B4GALT3: variants seen among roughly 807,000 people sequenced by gnomAD.
B4GALT3 encodes N-acetyllactosamine synthase.
A neutral mutation model predicts 40.7 loss-of-function variants in B4GALT3; 29 were observed. That is an observed-to-expected ratio of 0.71 (90% confidence interval 0.53 to 0.97). The LOEUF (loss-of-function observed/expected upper bound fraction) is 0.97. B4GALT3 is among the 50% of genes least tolerant of loss of function. B4GALT3 has a pLI of 0.00. For synonymous variants in B4GALT3, 182 were observed against 203.9 expected, an observed-to-expected ratio of 0.89 and a Z score of 0.92; for missense variants, 390 against 522.3, an observed-to-expected ratio of 0.75 and a Z score of 2.47.
chr1:161,172,291 A>T lies in B4GALT3; in HGVS notation c.844T>A (p.Ser282Thr), dbSNP rs770627750. 6.2e-7 allele frequency: 1 copy of T among 1,613,968 alleles called. No individual in the cohort carries two copies. The highest frequency in any genetic ancestry group is 8.5e-7 in the Non-Finnish European group (1 of 1,179,978). ...AGMKISRPPT[S>T]VGHYKMVKHR... ...TTCACCATCTTATAGTGTCCTACAGATGTGGGGGGCCGAGAGATCTTCATC... is the reference window on the plus strand; with the variant it reads ...TTCACCATCTTATAGTGTCCTACAGTTGTGGGGGGCCGAGAGATCTTCATC... Residue 282 changes from serine to threonine, a missense_variant, in exon 7 of 8, where the codon TCT (serine) becomes ACT (threonine). By Grantham distance (58) the Ser-to-Thr change is moderately conservative. Coordinates refer to ENST00000319769, the MANE Select transcript of B4GALT3 (RefSeq NM_003779.4).
chr1:161,173,570 G>C, intron 6 of B4GALT3, 35 bp downstream of exon 6: 1 of 1,612,734 alleles, frequency 6.2e-7, no homozygotes, highest in East Asian at 2.2e-5. Context: ...GATCCAGACT[G>C]GGGTCAGGAG....
chr1:161,177,143 C>A, intron 1 of B4GALT3: 1 of 1,442,584 alleles, frequency 6.9e-7, no homozygotes, highest in South Asian at 1.3e-5. Context: ...GGGGCAGAGA[C>A]AGTCAGGGGT....
At chr1:161,177,225 A>T in intron 1 of B4GALT3, 198 bp downstream of exon 1, 1 of 695,456 alleles carries the variant, frequency 1.4e-6, no homozygotes. Context: ...CTTTCGGAGC[A>T]CGCCCATCCT....
Position 161,176,004 on chromosome 1 carries a change from C to A in B4GALT3, c.57G>T (p.Gln19His). Residue 19 changes from glutamine to histidine, a missense_variant, in exon 3 of 8, where the codon CAG (glutamine) becomes CAT (histidine). Transcript: ENST00000319769. ...GTGACAGGTACATCATGACAGCCAG[C>A]TGGGAGCCCACAAGCAGGGCCAGCG... ...PCTLALLVGS[Q>H]LAVMMYLSLG... The A allele has an allele frequency of 6.2e-7, 1 of 1,614,102 alleles. No individual in the cohort carries two copies. The highest frequency in any genetic ancestry group is 8.5e-7 in the Non-Finnish European group (1 of 1,180,018).
chr1:161,177,606 A>T (rs1265284177), upstream of B4GALT3: 1 of 158,366 alleles, frequency 6.3e-6, no homozygotes, highest in Non-Finnish European at 1.4e-5. Context: ...CTTGTGAGGG[A>T]GCAGCGCCTG....
chr1:161,172,482 A>C, intron 6 of B4GALT3, 151 bp from the exon 7 acceptor site: 1 of 659,744 alleles, frequency 1.5e-6, no homozygotes, highest in Non-Finnish European at 2.5e-6. Context: ...AAAGAAGGAA[A>C]TGGCTGAAGA....
chr1:161,177,011 C>G, intron 1 of B4GALT3: 1 of 1,536,048 alleles, frequency 6.5e-7, no homozygotes, highest in Non-Finnish European at 8.7e-7. Context: ...TGTAAGCGAA[C>G]AGCCCCGGAG....
chr1:161,175,223 G>T lies in B4GALT3; in HGVS notation c.259C>A (p.Pro87Thr), dbSNP rs768962319. The T allele has an allele frequency of 6.2e-7, 1 of 1,612,274 alleles. No individual in the cohort carries two copies. Among genetic ancestry groups the T allele is most frequent in the South Asian group, 1.1e-5 (1 of 90,892 alleles). Residue 87 changes from proline (P) to threonine (T), a missense_variant, in exon 4 of 8, where the codon CCT (proline) becomes ACT (threonine). Pro to Thr is a conservative substitution (Grantham distance 38). Coordinates refer to ENST00000319769, the MANE Select transcript of B4GALT3 (RefSeq NM_003779.4). ...CPERSPLLVG[P>T]VSVSFSPVPS... ...ACTGGGCTAAAGGACACCGACACAG[G>T]ACCCACTGTTGGGAAGGAATGGCAA...
At chr1:161,174,786 G>A (rs560667258) in intron 4 of B4GALT3, 3 of 593,840 alleles carry the variant, frequency 5.1e-6, no homozygotes, top group Admixed American at 6.4e-5. Flanking sequence ...ACAGGAGAGT[G>A]TAGGACAGTG....
At chr1:161,172,658 G>A (rs1436607160) in intron 6 of B4GALT3, among the ~76,000 whole-genome samples, 1 of 150,416 alleles carries the variant, frequency 6.6e-6, no homozygotes, top group Admixed American at 6.7e-5. Flanking sequence ...AAAAGAATAA[G>A]AGAAGACTGG....
chr1:161,171,419 T>C lies in B4GALT3; in HGVS notation c.*397A>G, dbSNP rs1332226887. On this transcript the variant is annotated 3_prime_UTR_variant, in exon 8 of 8. Transcript: ENST00000319769. ...GGCAGAAAATGCCCAGGGAGGGGCT[T>C]CCTTCACCAAACAACTTCCCGGGAA... 3.0e-6 allele frequency: 2 copies of C among 668,206 alleles called. No individual in the cohort carries two copies. Among genetic ancestry groups the C allele is most frequent in the African/African-American group, 1.8e-5 (1 of 55,036 alleles). 41.4% of individuals were successfully genotyped at this position (668,206 alleles called of 1,614,324 possible).
At chr1:161,176,368 T>G (rs751390867) in intron 2 of B4GALT3, 66 bp downstream of exon 2, 6 of 480,086 alleles carry the variant, frequency 1.2e-5, no homozygotes, top group African/African-American at 1.9e-5. Flanking sequence ...TCAAATCTCA[T>G]GTTCATTTCA....
chr1:161,176,347 GT>G, intron 2 of B4GALT3, 86 bp downstream of exon 2: 1 of 526,754 alleles, frequency 1.9e-6, no homozygotes, highest in Non-Finnish European at 3.4e-6. Context: ...CCCCAAAAAT[GT>G]TTACATCATT....
intron 4 of B4GALT3, 80 bp from the exon 5 acceptor site, chr1:161,174,129 C>T (rs112810680): frequency 0.084 from 123,547 of 1,478,312 alleles, 5,861 homozygotes; most frequent in Non-Finnish European, 0.098. Flanking sequence ...AAGTGAAGGC[C>T]GGGCGCGGTG....
chr1:161,176,522 T>C lies in B4GALT3; in HGVS notation c.-103A>G. ...GTGAGGCATTATCTAAAATTGGAAA[T>C]GTCACAGAGGGCAGAGAAAGGCTCC... On this transcript the variant is annotated 5_prime_UTR_variant, in exon 2 of 8. Transcript: ENST00000319769. 2 of 400,026 alleles carry C rather than the reference T, an allele frequency of 5.0e-6. No homozygotes were observed. Among genetic ancestry groups the C allele is most frequent in the Non-Finnish European group, 4.6e-6 (1 of 219,186 alleles). 24.8% of individuals were successfully genotyped at this position (400,026 alleles called of 1,614,324 possible).
In B4GALT3 at chr1:161,171,437, C is replaced by G. The variant is rs1320738342; in HGVS notation, c.*379G>C. On this transcript the variant is annotated 3_prime_UTR_variant, in exon 8 of 8. Transcript: ENST00000319769. ...AGGGGCTTCCTTCACCAAACAACTT[C>G]CCGGGAACCATAAATAGAATAAATA... The G allele has an allele frequency of 1.6e-6, 1 of 620,606 alleles. No individual in the cohort carries two copies. 38.4% of individuals were successfully genotyped at this position (620,606 alleles called of 1,614,324 possible). A position where few individuals can be genotyped will look rare whatever the true frequency, so the allele number is the denominator to read the frequency against.
chr1:161,177,151 G>T, intron 1 of B4GALT3: 1 of 1,422,316 alleles, frequency 7.0e-7, no homozygotes, highest in Non-Finnish European at 9.5e-7. Flanking sequence ...GACAGTCAGG[G>T]GTGGCTGGAA....
intron 1 of B4GALT3, 165 bp downstream of exon 1, chr1:161,177,258 C>G (rs1175023824): frequency 1.1e-5 from 7 of 622,840 alleles, no homozygotes; most frequent in African/African-American, 9.2e-5. Flanking sequence ...TGCTTTTGCC[C>G]TACCTACTAG....
At chr1:161,172,386 G>A (rs1296862202) in intron 6 of B4GALT3, 55 bp from the exon 7 acceptor site, 26 of 1,482,374 alleles carry the variant, frequency 1.8e-5, no homozygotes, top group Non-Finnish European at 2.3e-5. Flanking sequence ...AAGCAAGGAA[G>A]GGATTAAATG....
Sources: allele counts gnomAD v4.1 joint callset (sites outside exome capture counted in the v4.1 genomes callset), GRCh38; gene constraint gnomAD v4.1.1; transcripts MANE v1.5; gene names NCBI Gene and HGNC (gene_info 2026-07-23, HGNC 2026-07-21).